GLOD4: variants seen among roughly 807,000 people sequenced by gnomAD.
GLOD4 encodes the protein glyoxalase domain containing 4, also known as glyoxalase domain-containing protein 4.
GLOD4 carries 44 observed loss-of-function variants against 39.1 expected under a neutral mutation model. The observed-to-expected ratio is 1.13, with a 90% CI of 0.88 to 1.45. GLOD4 has a LOEUF of 1.45. Among genes scored for constraint, GLOD4 ranks in the 40% most tolerant of loss-of-function variants. The pLI, the probability that GLOD4 is intolerant of heterozygous loss-of-function variation, is 0.00. For missense variants in GLOD4, 405 were observed against 366.4 expected, an observed-to-expected ratio of 1.11 and a Z score of -0.86; for synonymous variants, 145 against 135.0, an observed-to-expected ratio of 1.07 and a Z score of -0.52.
At chr17:769,807 A>T in intron 8 of GLOD4, 62 bp downstream of exon 8, 1 of 987,500 alleles carries the variant, frequency 1.0e-6, no homozygotes. Flanking sequence ...GTCTCCTCCC[A>T]CACACACTTA....
Position 760,235 on chromosome 17 carries a change from T to A in GLOD4, c.835A>T (p.Met279Leu). 1 of 1,564,820 alleles carries A rather than the reference T, an allele frequency of 6.4e-7. No individual in the cohort carries two copies. Among genetic ancestry groups the A allele is most frequent in the Non-Finnish European group, 8.8e-7 (1 of 1,134,866 alleles). Residue 279 changes from methionine to leucine, a missense_variant, in exon 9 of 9, where the codon ATG becomes TTG. Transcript: ENST00000301329. ...PEGSKLLDDA[M>L]AADKSDEWFA... Reference sequence around the variant, plus strand: ...CACTCGTCACTTTTATCTGCTGCCATTGCCTGTAAAATAGAAATAGAATAT... The same window carrying A: ...CACTCGTCACTTTTATCTGCTGCCAATGCCTGTAAAATAGAAATAGAATAT...
chr17:777,046 C>A, intron 2 of GLOD4, 58 bp from the exon 3 acceptor site: 2 of 1,566,580 alleles, frequency 1.3e-6, no homozygotes, highest in South Asian at 1.1e-5. Flanking sequence ...TCAGGCCACC[C>A]CCAGAGAACT....
At chr17:774,076 G>GC (rs1908466400) in intron 4 of GLOD4, among the ~76,000 whole-genome samples, 1 of 152,160 alleles carries the variant, frequency 6.6e-6, no homozygotes, top group South Asian at 2.1e-4. Context: ...CTAGCTGCAA[G>GC]CGTTAAGTTT....
chr17:771,511 TAGAA>T (rs773358821), intron 4 of GLOD4, 50 bp from the exon 5 acceptor site: 23 of 1,077,780 alleles, frequency 2.1e-5, no homozygotes, highest in South Asian at 3.3e-5. Context: ...TAGAATAAAA[TAGAA>T]AGACCAAAAC....
chr17:777,226 G>A (rs1397664086), intron 2 of GLOD4: 6 of 551,346 alleles, frequency 1.1e-5, no homozygotes, highest in African/African-American at 3.8e-5. Context: ...CACCTTTTCT[G>A]TAAAGCAAGG....
intron 8 of GLOD4, chr17:764,469 T>C (rs1906099526): frequency 1.3e-5 from 2 of 152,216 alleles, no homozygotes; most frequent in Non-Finnish European, 2.9e-5. Flanking sequence ...CACTTTCTTA[T>C]ACAGTAAAAG....
upstream of GLOD4, chr17:782,375 G>A: frequency 6.2e-7 from 1 of 1,613,582 alleles, no homozygotes; most frequent in East Asian, 2.2e-5. Flanking sequence ...GGGTCTCAGG[G>A]AACATGGCGG....
rs142062507 is a variant in GLOD4, at chr17:775,830, G to A, written c.351C>T (p.Thr117=). 186 of 1,613,848 alleles carry A rather than the reference G, an allele frequency of 1.2e-4. No individual in the cohort carries two copies. Among genetic ancestry groups the A allele is most frequent in the Middle Eastern group, 1.6e-4 (1 of 6,062 alleles). Residue 117 remains threonine (T), a synonymous_variant, in exon 4 of 9, where the codon ACC becomes ACT. Coordinates refer to ENST00000301329, the MANE Select transcript of GLOD4 (RefSeq NM_016080.4). ...LTEVAEGVFE[T]EAPGGYKFYL... ...AGAACTTATATCCTCCCGGGGCCTCGGTTTCAAAAACACCTTCTGCAACTT... is the reference window on the plus strand; with the variant it reads ...AGAACTTATATCCTCCCGGGGCCTCAGTTTCAAAAACACCTTCTGCAACTT...
intron 8 of GLOD4, among the ~76,000 whole-genome samples, chr17:762,089 G>A (rs1265621879): frequency 6.6e-6 from 1 of 152,178 alleles, no homozygotes; most frequent in Non-Finnish European, 1.5e-5. Flanking sequence ...TTTGCTTTGG[G>A]ACAGACCGTA....
Position 761,486 on chromosome 17 carries a change from T to G in GLOD4, c.832-1248A>C, listed in dbSNP as rs115322059. Among the ~76,000 whole-genome samples, 453 of 152,318 alleles carry G rather than the reference T, an allele frequency of 3.0e-3. 8 individuals are homozygous for G. Among genetic ancestry groups the G allele is most frequent in the African/African-American group, 0.011 (442 of 41,582 alleles). On this transcript the variant is annotated intron_variant, in intron 8 of 8. Transcript: ENST00000301329. ...AAGTGGGAGGAAAGAACAACTAAATTATTTGGAGAACCTAAGAAAGCTTTT... is the reference window on the plus strand; with the variant it reads ...AAGTGGGAGGAAAGAACAACTAAATGATTTGGAGAACCTAAGAAAGCTTTT...
rs1003956254 is a variant in GLOD4, at chr17:759,878, C to T, written c.*295G>A. The T allele has an allele frequency of 8.8e-6, 3 of 339,662 alleles. No individual in the cohort carries two copies. The highest frequency in any genetic ancestry group is 5.3e-5 in the East Asian group (1 of 18,972). 21.0% of individuals were successfully genotyped at this position (339,662 alleles called of 1,614,324 possible). On this transcript the variant is annotated 3_prime_UTR_variant, in exon 9 of 9. Transcript: ENST00000301329. The stretch of plus-strand genomic sequence containing the variant: ...ATCCCAACCAAAGTCATGTTCATGC[C>T]GCTGTCCTAGTCTGGACAATCATCT...
intron 8 of GLOD4, chr17:764,811 A>T (rs35448069): frequency 0.13 from 17,727 of 141,360 alleles, 1,709 homozygotes; most frequent in Middle Eastern, 0.21. Context: ...GATCGAGACC[A>T]TCCTGGCTAA....
chr17:770,582 T>A (rs1374620232), intron 5 of GLOD4, 75 bp from the exon 6 acceptor site: 7 of 777,960 alleles, frequency 9.0e-6, no homozygotes, highest in South Asian at 8.2e-5. Flanking sequence ...AAAATTCAAA[T>A]ATTATATACT....
At chr17:785,892 G>T (rs895496461), upstream of GLOD4, among the ~76,000 whole-genome samples, 1 of 152,182 alleles carries the variant, frequency 6.6e-6, no homozygotes, top group Non-Finnish European at 1.5e-5. Flanking sequence ...AGGAAGATGG[G>T]CACAGGTTGT....
chr17:782,135 C>G (rs1274098113), intron 1 of GLOD4, 31 bp downstream of exon 1: 1 of 1,526,624 alleles, frequency 6.6e-7, no homozygotes, highest in South Asian at 1.2e-5. Flanking sequence ...TCCAGCCTCG[C>G]GCGCCAGCCC....
chr17:782,837 G>A (rs181322225), upstream of GLOD4: 240 of 975,124 alleles, frequency 2.5e-4, no homozygotes, highest in African/African-American at 3.5e-3. Flanking sequence ...AAGCGTCTTT[G>A]GAATTAGCTT....
chr17:769,799 C>T, intron 8 of GLOD4, 70 bp downstream of exon 8: 2 of 944,448 alleles, frequency 2.1e-6, no homozygotes, highest in Non-Finnish European at 3.5e-6. Context: ...GTTGCTTAGT[C>T]TCCTCCCACA....
At chr17:760,382 A>G (rs1905237135) in intron 8 of GLOD4, 144 bp from the exon 9 acceptor site, 3 of 601,606 alleles carry the variant, frequency 5.0e-6, no homozygotes, top group Non-Finnish European at 5.9e-6. Context: ...AAAAAAGAGA[A>G]GAGAAATAAA....
upstream of GLOD4, chr17:782,354 T>G (rs777318671): frequency 9.9e-6 from 16 of 1,613,034 alleles, no homozygotes; most frequent in East Asian, 3.6e-4. Flanking sequence ...CGCGCTTTCG[T>G]GACGCAGCCC....
Sources: allele counts gnomAD v4.1 joint callset (sites outside exome capture counted in the v4.1 genomes callset), GRCh38; gene constraint gnomAD v4.1.1; transcripts MANE v1.5; gene names NCBI Gene and HGNC (gene_info 2026-07-23, HGNC 2026-07-21).